The following ZNF804B variants were observed in gnomAD, a reference collection of about 807,000 sequenced individuals.
ZNF804B encodes zinc finger protein 804B, also known as zinc finger 804B.
A neutral mutation model predicts 101.4 loss-of-function variants in ZNF804B; 80 were observed. That is an observed-to-expected ratio of 0.79 (90% confidence interval 0.66 to 0.95). The LOEUF (loss-of-function observed/expected upper bound fraction) is 0.95, where lower values mean the gene tolerates loss of function less well. Among genes scored for constraint, ZNF804B ranks in the 40% least tolerant of loss-of-function variants. The pLI is 0.00. For missense variants in ZNF804B, 1,673 were observed against 1,561.9 expected, an observed-to-expected ratio of 1.07 and a Z score of -1.20; for synonymous variants, 622 against 558.8, an observed-to-expected ratio of 1.11 and a Z score of -1.59.
intron 2 of ZNF804B, among the ~76,000 whole-genome samples, chr7:89,238,629 C>G (rs1013606029): frequency 2.0e-5 from 3 of 152,204 alleles, no homozygotes; most frequent in African/African-American, 7.2e-5. Flanking sequence ...TAGAGAATCT[C>G]TATAAACTGA....
intron 1 of ZNF804B, among the ~76,000 whole-genome samples, chr7:89,138,310 CGT>C (rs1790666947): frequency 6.6e-6 from 1 of 152,000 alleles, no homozygotes; most frequent in South Asian, 2.1e-4. Flanking sequence ...CAGCTTGCAC[CGT>C]GTGACCTCTT....
chr7:89,153,115 A>G (rs1007647422), intron 1 of ZNF804B, among the ~76,000 whole-genome samples: 8 of 151,992 alleles, frequency 5.3e-5, no homozygotes, highest in African/African-American at 1.9e-4. Flanking sequence ...GAGTTCATTT[A>G]TTATTTGCTT....
chr7:89,284,650 T>A (rs34591904), intron 2 of ZNF804B, among the ~76,000 whole-genome samples: 6,891 of 152,190 alleles, frequency 0.045, 149 homozygotes, highest in South Asian at 0.072. Context: ...AAAGTGCAAC[T>A]TTTATGTGGG....
chr7:89,089,794 CT>C (rs1455321936), intron 1 of ZNF804B, among the ~76,000 whole-genome samples: 1 of 152,002 alleles, frequency 6.6e-6, no homozygotes, highest in Non-Finnish European at 1.5e-5. Flanking sequence ...TTTCTGCTAA[CT>C]TTACTTTTGA....
chr7:88,869,292 G>A (rs932741763), intron 1 of ZNF804B, among the ~76,000 whole-genome samples: 5 of 152,048 alleles, frequency 3.3e-5, no homozygotes, highest in Non-Finnish European at 5.9e-5. Context: ...CTTTCTTCCA[G>A]TCCTTTGTAT....
At chr7:88,762,379 G>C (rs989092970) in intron 1 of ZNF804B, among the ~76,000 whole-genome samples, 8 of 152,124 alleles carry the variant, frequency 5.3e-5, no homozygotes, top group African/African-American at 1.7e-4. Context: ...CCAACAAGTT[G>C]AGGTCCTCTT....
At chr7:89,237,470 A>G (rs1012180359) in intron 2 of ZNF804B, among the ~76,000 whole-genome samples, 1 of 152,214 alleles carries the variant, frequency 6.6e-6, no homozygotes, top group African/African-American at 2.4e-5. Flanking sequence ...TGTGATGATG[A>G]TGATGAGTTC....
rs1302298583 is a variant in ZNF804B, at chr7:89,336,021, T to C, written c.3039T>C (p.Asn1013=). The change falls in exon 4 of 4, where the codon AAT becomes AAC. Residue 1013 remains asparagine (N), a synonymous_variant. Coordinates refer to ENST00000333190, the MANE Select transcript of ZNF804B (RefSeq NM_181646.5). ...KDKSKSSHTN[N]FTILADTDCD... ...AAAGCAAAAGTTCACACACAAATAA[T>C]TTTACAATTTTAGCAGACACTGATT... The C allele has an allele frequency of 1.2e-6, 2 of 1,613,864 alleles. No homozygotes were observed. Among genetic ancestry groups the C allele is most frequent in the East Asian group, 4.5e-5 (2 of 44,878 alleles).
At chr7:88,843,553 C>T (rs946082034) in intron 1 of ZNF804B, among the ~76,000 whole-genome samples, 6 of 151,890 alleles carry the variant, frequency 4.0e-5, no homozygotes, top group Non-Finnish European at 5.9e-5. Context: ...CTGGCTAACA[C>T]GGTCAAACCC....
At chr7:89,066,929 T>A (rs1789463377) in intron 1 of ZNF804B, among the ~76,000 whole-genome samples, 1 of 151,984 alleles carries the variant, frequency 6.6e-6, no homozygotes, top group African/African-American at 2.4e-5. Flanking sequence ...GTGGTATTTG[T>A]CAATTTCTAA....
chr7:88,803,679 G>T (rs981902122), intron 1 of ZNF804B, among the ~76,000 whole-genome samples: 2 of 152,186 alleles, frequency 1.3e-5, no homozygotes, highest in East Asian at 3.9e-4. Flanking sequence ...GCCCAGATTT[G>T]GGAAGAAAAA....
At chr7:89,108,609 G>A (rs577768833) in intron 1 of ZNF804B, among the ~76,000 whole-genome samples, 1 of 152,084 alleles carries the variant, frequency 6.6e-6, no homozygotes, top group Non-Finnish European at 1.5e-5. Flanking sequence ...CACGTTTAAT[G>A]GTCTCTCTGA....
intron 1 of ZNF804B, among the ~76,000 whole-genome samples, chr7:89,152,959 TG>T (rs1790901595): frequency 6.6e-6 from 1 of 152,088 alleles, no homozygotes; most frequent in African/African-American, 2.4e-5. Context: ...CATCCACAGG[TG>T]TATGAAAGAA....
At chr7:88,926,324 T>A (rs1452376128) in intron 1 of ZNF804B, among the ~76,000 whole-genome samples, 1 of 151,832 alleles carries the variant, frequency 6.6e-6, no homozygotes, top group African/African-American at 2.4e-5. Flanking sequence ...TGGTGGCTCA[T>A]GCCTGTAATC....
chr7:88,993,623 T>C (rs1204470402), intron 1 of ZNF804B, among the ~76,000 whole-genome samples: 5 of 151,926 alleles, frequency 3.3e-5, no homozygotes, highest in African/African-American at 1.2e-4. Flanking sequence ...TCCCAAGCAG[T>C]GCTAACGAAC....
intron 2 of ZNF804B, among the ~76,000 whole-genome samples, chr7:89,324,344 G>GC (rs527274535): frequency 6.9e-4 from 104 of 151,534 alleles, no homozygotes; most frequent in African/African-American, 2.5e-3. Context: ...CAGTGATATG[G>GC]CCCCCCTAGC....
chr7:89,230,725 T>C (rs2115737725), intron 2 of ZNF804B, among the ~76,000 whole-genome samples: 1 of 152,136 alleles, frequency 6.6e-6, no homozygotes, highest in African/African-American at 2.4e-5. Flanking sequence ...GACATCCACA[T>C]ACATCTGATT....
At chr7:89,066,605 A>G (rs1430182051) in intron 1 of ZNF804B, among the ~76,000 whole-genome samples, 1 of 152,138 alleles carries the variant, frequency 6.6e-6, no homozygotes, top group Non-Finnish European at 1.5e-5. Context: ...TTTTTTAAAA[A>G]AATTGTCTTT....
chr7:88,988,565 G>A (rs1793798542), intron 1 of ZNF804B, among the ~76,000 whole-genome samples: 1 of 152,148 alleles, frequency 6.6e-6, no homozygotes, highest in Admixed American at 6.5e-5. Flanking sequence ...AAGGAGTGTA[G>A]ATGGTCTGCA....
Sources: gnomAD v4.1 joint callset for allele counts (sites outside exome capture counted in the v4.1 genomes callset) on GRCh38, gnomAD v4.1.1 for gene constraint, MANE v1.5 for transcripts, NCBI Gene and HGNC (gene_info 2026-07-23, HGNC 2026-07-21) for gene names.